Variants in COL9A1 observed in about 807,000 individuals in gnomAD.
The protein encoded by COL9A1 is collagen alpha-1(IX) chain.
COL9A1 carries 104 observed loss-of-function variants against 142.6 expected under a neutral mutation model. That is an observed-to-expected ratio of 0.73 (90% CI 0.62 to 0.86). The LOEUF (loss-of-function observed/expected upper bound fraction) is 0.86. Among genes scored for constraint, COL9A1 ranks in the 40% least tolerant of loss-of-function variants. COL9A1 has a pLI of 0.00. For missense variants in COL9A1, 1,210 were observed against 1,176.6 expected, an observed-to-expected ratio of 1.03 and a Z score of -0.42; for synonymous variants, 466 against 396.0, an observed-to-expected ratio of 1.18 and a Z score of -2.10.
chr6:70,243,878 T>C (rs976447622), intron 28 of COL9A1, among the ~76,000 whole-genome samples: 9 of 152,190 alleles, frequency 5.9e-5, no homozygotes, highest in African/African-American at 2.2e-4. Context: ...ACTGACATTA[T>C]TGGATAAATA....
chr6:70,281,398 C>T lies in COL9A1; in HGVS notation c.868G>A (p.Gly290Ser). The T allele has an allele frequency of 6.2e-7, 1 of 1,612,564 alleles. No individual in the cohort carries two copies. Among genetic ancestry groups the T allele is most frequent in the Non-Finnish European group, 8.5e-7 (1 of 1,179,404 alleles). Residue 290 changes from glycine (G) to serine (S), a missense_variant, in exon 8 of 38, where the codon GGC becomes AGC. Gly to Ser is a moderately conservative substitution (Grantham distance 56). Coordinates refer to ENST00000357250, the MANE Select transcript of COL9A1 (RefSeq NM_001851.6). Reference sequence around the variant, plus strand: ...TGGAGATAGAAACTTACGTCGATGCCATCGATGCCTGGAACTCCAGGGGGG... The same window carrying T: ...TGGAGATAGAAACTTACGTCGATGCTATCGATGCCTGGAACTCCAGGGGGG... ...PGPPGVPGID[G>S]IDGDRGPKGP...
At position 70,252,105 on chromosome 6, in the gene COL9A1, G is replaced by T; in HGVS notation, c.1872+15C>A. On this transcript the variant is annotated intron_variant, in intron 28 of 37. Transcript: ENST00000357250. ...TGAGAAGGTGCTTTAGGAAAGAACA[G>T]CAAGGAATACTCACAGGAAGCCCCT... 1 of 1,613,494 alleles carries T rather than the reference G, an allele frequency of 6.2e-7. No homozygotes were observed. Among genetic ancestry groups the T allele is most frequent in the Non-Finnish European group, 8.5e-7 (1 of 1,179,466 alleles).
rs144581626 is a variant in COL9A1, at chr6:70,232,630, G to A, written c.2456C>T (p.Pro819Leu). 5.9e-5 allele frequency: 95 copies of A among 1,614,076 alleles called. No individual in the cohort carries two copies. In the South Asian group the frequency reaches 6.8e-4, roughly 12 times the overall value. ...FPGQMGIRGLPGIKGPPGALG... is the reference protein window; with the variant it reads ...FPGQMGIRGLLGIKGPPGALG... The stretch of plus-strand genomic sequence containing the variant: ...AGCACCAGGGGGCCCCTTAATGCCC[G>A]GAAGGCCACGAATTCCCATCTGGCC... Residue 819 changes from proline (P) to leucine (L), a missense_variant, in exon 36 of 38, where the codon CCG becomes CTG. Physicochemically the swap from Pro to Leu is moderately conservative, Grantham distance 98. Coordinates refer to ENST00000357250, the MANE Select transcript of COL9A1 (RefSeq NM_001851.6).
At chr6:70,295,664 A>T (rs1773827276) in intron 4 of COL9A1, among the ~76,000 whole-genome samples, 1 of 152,154 alleles carries the variant, frequency 6.6e-6, no homozygotes, top group Non-Finnish European at 1.5e-5. Context: ...GAATAAAACC[A>T]GTAGTGTCCC....
chr6:70,218,912 A>G (rs1010505447), intron 37 of COL9A1, among the ~76,000 whole-genome samples: 2 of 152,208 alleles, frequency 1.3e-5, no homozygotes, highest in African/African-American at 4.8e-5. Context: ...TCTCAAAGCT[A>G]TAGATAAGCA....
rs201080821 is a variant in COL9A1 at position 70,274,548 on chromosome 6, CT to C, written c.1029+170del. On this transcript the variant is annotated intron_variant, in intron 11 of 37. Transcript: ENST00000357250. ...CCCTGCAAAGGACATGATCTTGTTC[CT>C]TTTTATGGCTGCATAGTATTCCACA... Among the ~76,000 whole-genome samples the C allele has an allele frequency of 0.045, 6,885 of 152,218 alleles. 245 individuals carry two copies. Among genetic ancestry groups the C allele is most frequent in the Non-Finnish European group, 0.07 (4,787 of 67,996 alleles).
At chr6:70,235,949 C>T (rs1488126261) in intron 33 of COL9A1, among the ~76,000 whole-genome samples, 1 of 151,690 alleles carries the variant, frequency 6.6e-6, no homozygotes, top group Non-Finnish European at 1.5e-5. Context: ...CCCTTCTCTA[C>T]TAAAAATACC....
intron 37 of COL9A1, among the ~76,000 whole-genome samples, chr6:70,220,168 C>CA (rs1768778987): frequency 6.6e-6 from 1 of 151,666 alleles, no homozygotes; most frequent in South Asian, 2.1e-4. Context: ...TCATCATCAT[C>CA]ACCACAAATG....
At chr6:70,262,361 T>A (rs1771743422) in intron 19 of COL9A1, among the ~76,000 whole-genome samples, 1 of 152,182 alleles carries the variant, frequency 6.6e-6, no homozygotes, top group Admixed American at 6.5e-5. Context: ...ATCCTCTGAC[T>A]TACTTCCTTT....
chr6:70,234,721 G>A, intron 34 of COL9A1, 73 bp downstream of exon 34: 2 of 1,607,966 alleles, frequency 1.2e-6, no homozygotes, highest in African/African-American at 1.3e-5. Context: ...TTGAGAAGCT[G>A]ATGCCTAGAA....
chr6:70,230,536 A>G (rs1769479124), intron 36 of COL9A1, among the ~76,000 whole-genome samples: 1 of 152,208 alleles, frequency 6.6e-6, no homozygotes, highest in South Asian at 2.1e-4. Context: ...ATCAAGCTAT[A>G]CTTGACAAAC....
chr6:70,216,584 G>A lies in COL9A1; in HGVS notation c.*313C>T. The A allele has an allele frequency of 2.4e-6, 1 of 413,992 alleles. No individual in the cohort carries two copies. 25.6% of individuals were successfully genotyped at this position (413,992 alleles called of 1,614,324 possible). The stretch of plus-strand genomic sequence containing the variant: ...CAGTGGCCCACGATAAGACACATAG[G>A]TATAGCACACTAAAGCTCAAGATCC... On this transcript the variant is annotated 3_prime_UTR_variant, in exon 38 of 38. Coordinates refer to ENST00000357250, the MANE Select transcript of COL9A1 (RefSeq NM_001851.6).
intron 6 of COL9A1, 99 bp from the exon 7 acceptor site, chr6:70,283,017 C>A (rs376185271): frequency 1.2e-6 from 2 of 1,611,694 alleles, no homozygotes; most frequent in Non-Finnish European, 1.7e-6. Flanking sequence ...ACAGCAGCAG[C>A]CCCAGGGCCC....
At chr6:70,256,912 A>T (rs1383881701) in intron 20 of COL9A1, 91 bp from the exon 21 acceptor site, 2 of 1,244,458 alleles carry the variant, frequency 1.6e-6, no homozygotes, top group Admixed American at 3.8e-5. Flanking sequence ...TAATAGCCAG[A>T]TGAAAAGGAG....
At chr6:70,293,138 A>C (rs1414755356) in intron 5 of COL9A1, among the ~76,000 whole-genome samples, 1 of 152,072 alleles carries the variant, frequency 6.6e-6, no homozygotes, top group Admixed American at 6.6e-5. Flanking sequence ...ACCCTGCTAC[A>C]CTCCGTGATA....
chr6:70,282,008 T>C (rs1773196413), intron 7 of COL9A1, among the ~76,000 whole-genome samples: 2 of 152,108 alleles, frequency 1.3e-5, no homozygotes, highest in African/African-American at 4.8e-5. Flanking sequence ...ATTTCAGTTT[T>C]ACCTGCAGTG....
intron 5 of COL9A1, among the ~76,000 whole-genome samples, chr6:70,291,285 C>A (rs145984429): frequency 2.0e-5 from 3 of 152,100 alleles, no homozygotes; most frequent in Non-Finnish European, 4.4e-5. Flanking sequence ...CTGGGAATTT[C>A]CAAATGAGAG....
chr6:70,232,503 A>G (rs1364658558), intron 36 of COL9A1, 80 bp downstream of exon 36: 28 of 1,492,608 alleles, frequency 1.9e-5, no homozygotes, highest in Non-Finnish European at 2.5e-5. Flanking sequence ...TTGGTAAAAC[A>G]TAAATTCCTC....
At chr6:70,254,887 G>C in intron 24 of COL9A1, 76 bp downstream of exon 24, 2 of 1,329,478 alleles carry the variant, frequency 1.5e-6, no homozygotes, top group Non-Finnish European at 1.1e-6. Context: ...TGGTGATTTA[G>C]TAATGGAAAT....
Sources: gnomAD v4.1 joint callset for allele counts (sites outside exome capture counted in the v4.1 genomes callset) on GRCh38, gnomAD v4.1.1 for gene constraint, MANE v1.5 for transcripts, NCBI Gene and HGNC (gene_info 2026-07-23, HGNC 2026-07-21) for gene names.